The following CACNA2D1 variants were observed in gnomAD, a reference collection of about 807,000 sequenced individuals.
CACNA2D1 encodes voltage-dependent calcium channel subunit alpha-2/delta-1.
A neutral mutation model predicts 171.5 loss-of-function variants in CACNA2D1; 53 were observed. The ratio of observed to expected loss-of-function variants is 0.31; its 90% confidence interval spans 0.25 to 0.39. The LOEUF (loss-of-function observed/expected upper bound fraction) is 0.39. Among genes scored for constraint, CACNA2D1 ranks in the 10% least tolerant of loss-of-function variants. The pLI, the probability that CACNA2D1 is intolerant of heterozygous loss-of-function variation, is 1.00. For missense variants in CACNA2D1, 903 were observed against 1,299.8 expected, an observed-to-expected ratio of 0.69 and a Z score of 4.69; for synonymous variants, 442 against 443.1, an observed-to-expected ratio of 1.00 and a Z score of 0.03.
At chr7:82,100,506 T>C (rs906256991) in intron 6 of CACNA2D1, among the ~76,000 whole-genome samples, 1 of 152,178 alleles carries the variant, frequency 6.6e-6, no homozygotes, top group East Asian at 1.9e-4. Context: ...TGTCCATTTC[T>C]AAACAACTTC....
At chr7:81,980,333 C>A (rs1233821740) in intron 24 of CACNA2D1, among the ~76,000 whole-genome samples, 1 of 152,002 alleles carries the variant, frequency 6.6e-6, no homozygotes, top group African/African-American at 2.4e-5. Context: ...GACACGACTA[C>A]TCAACCCTGT....
chr7:82,267,865 C>T (rs1037904343), intron 3 of CACNA2D1, among the ~76,000 whole-genome samples: 3 of 151,932 alleles, frequency 2.0e-5, no homozygotes, highest in African/African-American at 7.2e-5. Flanking sequence ...GGCGTGGTGG[C>T]GGGTGCCTGT....
chr7:82,137,707 TAAAAA>T (rs1174278503), intron 4 of CACNA2D1, among the ~76,000 whole-genome samples: 14 of 78,826 alleles, frequency 1.8e-4, no homozygotes, highest in East Asian at 4.0e-4. Flanking sequence ...CCGTCTCTAC[TAAAAA>T]AAAAAAAAAA....
intron 1 of CACNA2D1, among the ~76,000 whole-genome samples, chr7:82,394,811 C>T (rs909018693): frequency 7.2e-5 from 11 of 152,144 alleles, no homozygotes; most frequent in African/African-American, 1.9e-4. Flanking sequence ...CAACTTCAAA[C>T]TTTTATTAGT....
chr7:82,034,378 C>T (rs1014383597), intron 11 of CACNA2D1, among the ~76,000 whole-genome samples: 9 of 151,950 alleles, frequency 5.9e-5, no homozygotes, highest in Admixed American at 3.3e-4. Flanking sequence ...ATAAATACAA[C>T]GTTTTTCTTT....
At chr7:82,322,112 C>T (rs1442015723) in intron 3 of CACNA2D1, among the ~76,000 whole-genome samples, 1 of 91,640 alleles carries the variant, frequency 1.1e-5, no homozygotes, top group Non-Finnish European at 1.9e-5. Context: ...GGTGACAGAG[C>T]GAGACTCCGT....
chr7:82,265,678 T>A (rs1014030085), intron 3 of CACNA2D1, among the ~76,000 whole-genome samples: 1 of 152,126 alleles, frequency 6.6e-6, no homozygotes, highest in African/African-American at 2.4e-5. Context: ...ACAGAAGTAT[T>A]ATTTAGCTGT....
intron 3 of CACNA2D1, among the ~76,000 whole-genome samples, chr7:82,260,922 A>T (rs1806996925): frequency 1.3e-5 from 2 of 152,158 alleles, no homozygotes; most frequent in South Asian, 4.2e-4. Flanking sequence ...TATATATATA[A>T]AATAAAATAT....
At chr7:82,066,580 A>G (rs1032558018) in intron 7 of CACNA2D1, 56 bp from the exon 8 acceptor site, 1 of 1,540,592 alleles carries the variant, frequency 6.5e-7, no homozygotes, top group African/African-American at 1.4e-5. Context: ...ATGCTCTAAA[A>G]ATAATGAGAC....
At chr7:82,086,741 TTTCA>T (rs1023366984) in intron 6 of CACNA2D1, among the ~76,000 whole-genome samples, 119 of 152,296 alleles carry the variant, frequency 7.8e-4, no homozygotes, top group African/African-American at 2.8e-3. Context: ...TCCTTGATTC[TTTCA>T]TTCATATTAG....
At position 82,440,518 on chromosome 7, in the gene CACNA2D1, C is replaced by A. The variant is rs533778814; in HGVS notation, c.95+2847G>T. On this transcript the variant is annotated intron_variant, in intron 1 of 38. Coordinates refer to ENST00000356860, the MANE Select transcript of CACNA2D1 (RefSeq NM_000722.4). ...TTTTCCATTTATATATCAACCAATACACATTATGTGGCTGCTACCATATCA... is the reference window on the plus strand; with the variant it reads ...TTTTCCATTTATATATCAACCAATAAACATTATGTGGCTGCTACCATATCA... Among the ~76,000 whole-genome samples, 4 of 151,900 alleles carry A rather than the reference C, an allele frequency of 2.6e-5. No homozygotes were observed. The East Asian group carries it at 7.7e-4, about 29-fold the overall frequency.
chr7:82,041,114 A>T (rs1260737972), intron 10 of CACNA2D1, among the ~76,000 whole-genome samples: 2 of 152,128 alleles, frequency 1.3e-5, no homozygotes, highest in African/African-American at 4.8e-5. Flanking sequence ...CAAATCTGCA[A>T]AGTGCCTTGG....
intron 20 of CACNA2D1, among the ~76,000 whole-genome samples, chr7:81,993,849 A>T (rs1356619670): frequency 6.6e-6 from 1 of 152,096 alleles, no homozygotes; most frequent in East Asian, 1.9e-4. Context: ...AAGGAAGAAA[A>T]ATATCAATGG....
intron 24 of CACNA2D1, among the ~76,000 whole-genome samples, chr7:81,977,975 CAT>C (rs1213133237): frequency 1.3e-5 from 2 of 152,090 alleles, no homozygotes; most frequent in Non-Finnish European, 2.9e-5. Flanking sequence ...GGCCAACAAA[CAT>C]ATGAAAAAAA....
intron 1 of CACNA2D1, among the ~76,000 whole-genome samples, chr7:82,398,911 C>T (rs1377415743): frequency 6.6e-6 from 1 of 151,708 alleles, no homozygotes; most frequent in Non-Finnish European, 1.5e-5. Flanking sequence ...TTCCTTCTAC[C>T]CTTCTTTCCT....
At chr7:82,170,292 G>T (rs558291933) in intron 4 of CACNA2D1, among the ~76,000 whole-genome samples, 5 of 151,246 alleles carry the variant, frequency 3.3e-5, no homozygotes, top group African/African-American at 1.2e-4. Context: ...CTTTAATTAT[G>T]GGAGAACATT....
At chr7:82,340,918 A>G (rs925911050) in intron 2 of CACNA2D1, among the ~76,000 whole-genome samples, 1 of 152,208 alleles carries the variant, frequency 6.6e-6, no homozygotes. Flanking sequence ...TCCACTCTCT[A>G]TTGGGTAACA....
chr7:82,347,920 A>G (rs10954675), intron 2 of CACNA2D1, among the ~76,000 whole-genome samples: 152,109 of 152,246 alleles, frequency 1, 75,986 homozygotes, highest in Middle Eastern at 1. Flanking sequence ...CCAGGTGAAA[A>G]TTCTTTTTGG....
chr7:82,352,184 T>C (rs919746460), intron 1 of CACNA2D1, among the ~76,000 whole-genome samples: 1 of 152,188 alleles, frequency 6.6e-6, no homozygotes, highest in Non-Finnish European at 1.5e-5. Flanking sequence ...GGAGCAAGGA[T>C]TATTTTTTAT....
Sources: allele counts gnomAD v4.1 joint callset (sites outside exome capture counted in the v4.1 genomes callset), GRCh38; gene constraint gnomAD v4.1.1; transcripts MANE v1.5; gene names NCBI Gene and HGNC (gene_info 2026-07-23, HGNC 2026-07-21).